Variants in CNTNAP2 observed in about 807,000 individuals in gnomAD.
CNTNAP2 encodes the protein contactin associated protein 2.
CNTNAP2 carries 98 observed loss-of-function variants against 155.2 expected under a neutral mutation model. The ratio of observed to expected loss-of-function variants is 0.63; its 90% CI spans 0.54 to 0.75. CNTNAP2 has a LOEUF of 0.75. Among genes scored for constraint, CNTNAP2 ranks in the 30% least tolerant of loss-of-function variants. The pLI, the probability that CNTNAP2 is intolerant of heterozygous loss-of-function variation, is 0.00. For missense variants in CNTNAP2, 1,727 were observed against 1,688.1 expected (o/e 1.02, Z -0.40); for synonymous variants, 651 against 631.2 (o/e 1.03, Z -0.47).
Position 148,217,492 on chromosome 7 carries a change from C to T in CNTNAP2, c.3215C>T (p.Thr1072Ile), listed in dbSNP as rs760548225. The T allele has an allele frequency of 6.2e-7, 1 of 1,614,220 alleles. No homozygotes were observed. Among genetic ancestry groups the T allele is most frequent in the Non-Finnish European group, 8.5e-7 (1 of 1,180,036 alleles). ...CILLYISSFT[T>I]DFLAVLVKPT... ...CTCCTCTACATCAGCTCCTTCACCA[C>T]AGACTTCTTGGCAGTCCTCGTCAAA... Residue 1072 changes from threonine to isoleucine, a missense_variant, in exon 19 of 24, where the codon ACA becomes ATA. Thr to Ile is a moderately conservative substitution (Grantham distance 89, BLOSUM62 -1). Transcript: ENST00000361727.
chr7:147,798,404 C>A (rs1797936112), intron 13 of CNTNAP2, among the ~76,000 whole-genome samples: 3 of 152,134 alleles, frequency 2.0e-5, no homozygotes, highest in African/African-American at 7.2e-5. Flanking sequence ...AGGGTAATTT[C>A]TCATCTCAAA....
chr7:146,610,049 G>T (rs144690343), intron 1 of CNTNAP2, among the ~76,000 whole-genome samples: 1 of 152,160 alleles, frequency 6.6e-6, no homozygotes, highest in Non-Finnish European at 1.5e-5. Context: ...GCTGAAACTC[G>T]GCGAGAACCA....
chr7:147,996,837 G>A (rs1205439292), intron 15 of CNTNAP2, among the ~76,000 whole-genome samples: 1 of 152,114 alleles, frequency 6.6e-6, no homozygotes, highest in Non-Finnish European at 1.5e-5. Context: ...GTCATCAATG[G>A]TAAACATTTT....
At chr7:148,077,861 T>G (rs1024854891) in intron 15 of CNTNAP2, among the ~76,000 whole-genome samples, 2 of 152,216 alleles carry the variant, frequency 1.3e-5, no homozygotes, top group Non-Finnish European at 2.9e-5. Flanking sequence ...AAAAATAAAA[T>G]TCAGCAAGCT....
chr7:147,959,765 T>C (rs779024760), intron 14 of CNTNAP2, among the ~76,000 whole-genome samples: 1 of 152,086 alleles, frequency 6.6e-6, no homozygotes, highest in Admixed American at 6.6e-5. Flanking sequence ...GGTGGGTGTG[T>C]CTTATGGAAA....
At position 148,383,872 on chromosome 7, in the gene CNTNAP2, G is replaced by A. The variant is rs1276786817; in HGVS notation, c.3699G>A (p.Leu1233=). Residue 1233 remains leucine (L), a synonymous_variant, in exon 22 of 24, where the codon CTG becomes CTA. Transcript: ENST00000361727. ...CGTCCGCCACCGACCCCTGGCACCT[G>A]GATCACCTGGATTCAGGTAAAGTCT... ...PMSSATDPWH[L]DHLDSASADF... is the part of the protein sequence containing the mutation. 1 of 1,613,760 alleles carries A rather than the reference G, an allele frequency of 6.2e-7. No individual in the cohort carries two copies. Among genetic ancestry groups the A allele is most frequent in the African/African-American group, 1.3e-5 (1 of 75,018 alleles).
At position 147,012,623 on chromosome 7, in the gene CNTNAP2, A is replaced by C. The variant is rs376488084; in HGVS notation, c.403-31284A>C. Among the ~76,000 whole-genome samples the C allele has an allele frequency of 1.3e-5, 2 of 152,172 alleles. 1 individual carries two copies. The highest frequency in any genetic ancestry group is 3.9e-4 in the East Asian group (2 of 5,184). On this transcript the variant is annotated intron_variant, in intron 3 of 23. Coordinates refer to ENST00000361727, the MANE Select transcript of CNTNAP2 (RefSeq NM_014141.6). The stretch of plus-strand genomic sequence containing the variant: ...GTTTTAATTCTATATAAAATTTAAA[A>C]GTTGATCAGTATGAAACTTGAGAAT...
chr7:147,986,391 C>T (rs1441400173), intron 15 of CNTNAP2, among the ~76,000 whole-genome samples: 1 of 152,160 alleles, frequency 6.6e-6, no homozygotes, highest in Non-Finnish European at 1.5e-5. Flanking sequence ...AGAAGATGCT[C>T]TAAATTGTTT....
At chr7:146,249,821 T>G (rs1023607984) in intron 1 of CNTNAP2, among the ~76,000 whole-genome samples, 11 of 152,178 alleles carry the variant, frequency 7.2e-5, no homozygotes, top group Non-Finnish European at 1.5e-4. Flanking sequence ...TTCATTAGAT[T>G]AGAAATGTCA....
At chr7:147,647,788 T>C (rs902025249) in intron 13 of CNTNAP2, among the ~76,000 whole-genome samples, 1 of 151,988 alleles carries the variant, frequency 6.6e-6, no homozygotes, top group African/African-American at 2.4e-5. Context: ...TATTAAACAG[T>C]AGGAAGAAAG....
intron 15 of CNTNAP2, among the ~76,000 whole-genome samples, chr7:148,017,213 A>G (rs1203963422): frequency 6.6e-6 from 1 of 152,224 alleles, no homozygotes; most frequent in Non-Finnish European, 1.5e-5. Flanking sequence ...ATTTTCCCTG[A>G]ACACCTAAAT....
intron 13 of CNTNAP2, among the ~76,000 whole-genome samples, chr7:147,816,386 T>C (rs1374021757): frequency 1.3e-5 from 2 of 152,104 alleles, no homozygotes; most frequent in African/African-American, 4.8e-5. Context: ...GAGATTGCTG[T>C]TTGGAATTGA....
At chr7:147,944,966 A>G (rs1800792974) in intron 14 of CNTNAP2, among the ~76,000 whole-genome samples, 1 of 152,206 alleles carries the variant, frequency 6.6e-6, no homozygotes, top group African/African-American at 2.4e-5. Context: ...CCAATTACAG[A>G]ATAATTTAAG....
chr7:147,820,791 A>G (rs1348889720), intron 13 of CNTNAP2, among the ~76,000 whole-genome samples: 1 of 152,138 alleles, frequency 6.6e-6, no homozygotes, highest in Non-Finnish European at 1.5e-5. Flanking sequence ...TGAATTCCCT[A>G]GGAACCTTTG....
At chr7:146,714,187 C>G (rs1801148136) in intron 1 of CNTNAP2, among the ~76,000 whole-genome samples, 2 of 152,106 alleles carry the variant, frequency 1.3e-5, no homozygotes, top group Non-Finnish European at 2.9e-5. Context: ...CTGTCACAGT[C>G]CTTTGTGCAT....
chr7:147,284,633 AG>A (rs1805135747), intron 8 of CNTNAP2, among the ~76,000 whole-genome samples: 1 of 151,944 alleles, frequency 6.6e-6, no homozygotes, highest in African/African-American at 2.4e-5. Context: ...ATCCACAAAA[AG>A]ACTTGGTAAC....
chr7:148,251,611 G>C (rs1401984282), intron 20 of CNTNAP2, among the ~76,000 whole-genome samples: 3 of 152,282 alleles, frequency 2.0e-5, no homozygotes, highest in East Asian at 3.9e-4. Context: ...GAAAAGAAGG[G>C]AGAAGGAAAA....
At chr7:147,482,414 T>C (rs1437288868) in intron 10 of CNTNAP2, among the ~76,000 whole-genome samples, 1 of 151,988 alleles carries the variant, frequency 6.6e-6, no homozygotes, top group Non-Finnish European at 1.5e-5. Flanking sequence ...ACAGGGAGAA[T>C]GTCAATTTTC....
At chr7:148,405,446 T>TTTTTTTTTTTTTTTTTTTTTTTGG in intron 22 of CNTNAP2, among the ~76,000 whole-genome samples, 1 of 70,140 alleles carries the variant, frequency 1.4e-5, no homozygotes, top group Admixed American at 1.8e-4. Flanking sequence ...TTTTTTTTTT[T>TTTTTTTTTTTTTTTTTTTTTTTGG]GAGACGGAGT....
Sources: allele counts gnomAD v4.1 joint callset (sites outside exome capture counted in the v4.1 genomes callset), GRCh38; gene constraint gnomAD v4.1.1; transcripts MANE v1.5; gene names NCBI Gene and HGNC (gene_info 2026-07-23, HGNC 2026-07-21).